The following GNG4 variants were observed in gnomAD, a reference collection of about 807,000 sequenced individuals.
The protein encoded by GNG4 is guanine nucleotide-binding protein G(I)/G(S)/G(O) subunit gamma-4.
Under a neutral mutation model 5.8 loss-of-function variants are expected in GNG4, and 4 were observed. That is an observed-to-expected ratio of 0.69 (90% CI 0.34 to 1.57). The LOEUF (loss-of-function observed/expected upper bound fraction) is 1.57. Ranked by LOEUF, GNG4 falls within the 40% of genes most tolerant of loss-of-function variation. The probability of loss-of-function intolerance (pLI) is 0.06; values close to 1 mark genes in which losing one functional copy is unlikely to be tolerated. For synonymous variants in GNG4, 29 were observed against 32.9 expected (o/e 0.88, Z 0.41); for missense variants, 96 against 95.1 (o/e 1.01, Z -0.04).
chr1:235,594,960 GC>G (rs1257989615), intron 2 of GNG4, among the ~76,000 whole-genome samples: 1 of 152,234 alleles, frequency 6.6e-6, no homozygotes, highest in East Asian at 1.9e-4. Flanking sequence ...CTATCCCTGA[GC>G]CTGAAGGGAC....
intron 2 of GNG4, among the ~76,000 whole-genome samples, chr1:235,586,163 C>T (rs1279000547): frequency 1.3e-5 from 2 of 152,192 alleles, no homozygotes; most frequent in East Asian, 3.8e-4. Context: ...AGATGTGTGT[C>T]CTTATCTTAG....
intron 1 of GNG4, among the ~76,000 whole-genome samples, chr1:235,597,821 T>C (rs2102958623): frequency 6.6e-6 from 1 of 152,124 alleles, no homozygotes; most frequent in South Asian, 2.1e-4. Context: ...AGAGACAGGG[T>C]TTCACCATGT....
At chr1:235,621,142 G>T (rs1279297507) in intron 1 of GNG4, among the ~76,000 whole-genome samples, 18 of 149,810 alleles carry the variant, frequency 1.2e-4, no homozygotes, top group Admixed American at 6.7e-5. Context: ...AAAAAAGGAG[G>T]CTCTGTTTGG....
At chr1:235,588,994 C>T (rs1185528722) in intron 2 of GNG4, 1 of 152,412 alleles carries the variant, frequency 6.6e-6, no homozygotes, top group Admixed American at 6.5e-5. Context: ...ATGGCAGACT[C>T]ACTTTCTTGC....
At chr1:235,585,221 C>T (rs1687730344) in intron 2 of GNG4, among the ~76,000 whole-genome samples, 1 of 151,524 alleles carries the variant, frequency 6.6e-6, no homozygotes, top group Admixed American at 6.6e-5. Context: ...CCTTTCCTTT[C>T]CTTTCCTTCC....
At chr1:235,589,879 TA>T (rs1363100113) in intron 2 of GNG4, among the ~76,000 whole-genome samples, 1 of 152,118 alleles carries the variant, frequency 6.6e-6, no homozygotes, top group Admixed American at 6.6e-5. Context: ...TGAAATGAGA[TA>T]ATGTACTCCT....
chr1:235,611,071 G>C (rs1475029601), intron 1 of GNG4, among the ~76,000 whole-genome samples: 1 of 152,148 alleles, frequency 6.6e-6, no homozygotes, highest in Non-Finnish European at 1.5e-5. Context: ...CTGGGCGGCA[G>C]AGCGAGACTT....
intron 1 of GNG4, among the ~76,000 whole-genome samples, chr1:235,629,767 T>G (rs1317755009): frequency 6.6e-6 from 1 of 152,090 alleles, no homozygotes; most frequent in Non-Finnish European, 1.5e-5. Flanking sequence ...AAGTTTTGTA[T>G]TTTTAGTAAA....
Position 235,642,770 on chromosome 1 carries a change from C to A in GNG4, c.-123+6892G>T, listed in dbSNP as rs1391632620. ...GGGCCTCCCTGCTGTCATCACACCT[C>A]GGATCACCCCAGGCAATCTCGCCCC... On this transcript the variant is annotated intron_variant, in intron 1 of 3. Transcript: ENST00000391854. This position sits in a 1 kb window ranked among gnomAD's most constrained non-coding sequence, Gnocchi z 4.3. Among the ~76,000 whole-genome samples, 2 of 152,162 alleles carry A rather than the reference C, an allele frequency of 1.3e-5. No homozygotes were observed. Among genetic ancestry groups the A allele is most frequent in the African/African-American group, 2.4e-5 (1 of 41,438 alleles).
chr1:235,598,954 T>A (rs1318858194), intron 1 of GNG4, among the ~76,000 whole-genome samples: 1 of 152,138 alleles, frequency 6.6e-6, no homozygotes, highest in African/African-American at 2.4e-5. Flanking sequence ...CTTGAACCCC[T>A]GACCTCAAGT....
chr1:235,650,578 C>A (rs1245018621), upstream of GNG4: 1 of 152,286 alleles, frequency 6.6e-6, no homozygotes, highest in Non-Finnish European at 1.5e-5. Flanking sequence ...CGCGTCGCCA[C>A]TAACCCGGCG....
At chr1:235,608,168 C>G (rs940961508) in intron 1 of GNG4, among the ~76,000 whole-genome samples, 6 of 152,074 alleles carry the variant, frequency 3.9e-5, no homozygotes, top group Non-Finnish European at 8.8e-5. Flanking sequence ...GAACTCCTGA[C>G]CTCATGATCC....
chr1:235,555,664 G>C (rs912338454), intron 3 of GNG4, among the ~76,000 whole-genome samples: 1 of 128,982 alleles, frequency 7.8e-6, no homozygotes, highest in Non-Finnish European at 1.6e-5. Context: ...GGGTGGCAGA[G>C]CAAGACCCTG....
At chr1:235,645,884 T>C (rs970724301) in intron 1 of GNG4, among the ~76,000 whole-genome samples, 1 of 151,908 alleles carries the variant, frequency 6.6e-6, no homozygotes, top group Non-Finnish European at 1.5e-5. Context: ...TGCCTCTCTT[T>C]CTTTGTTGGA....
chr1:235,598,368 G>A (rs1409249822), intron 1 of GNG4, among the ~76,000 whole-genome samples: 4 of 152,142 alleles, frequency 2.6e-5, no homozygotes, highest in Non-Finnish European at 5.9e-5. Flanking sequence ...CCAGTGCTTT[G>A]GGAATCTGCA....
intron 2 of GNG4, among the ~76,000 whole-genome samples, chr1:235,591,616 G>A (rs1251148865): frequency 6.6e-6 from 1 of 152,182 alleles, no homozygotes; most frequent in African/African-American, 2.4e-5. Context: ...ACATTCATGC[G>A]TCTGCACATC....
At chr1:235,586,319 G>A (rs1310367281) in intron 2 of GNG4, among the ~76,000 whole-genome samples, 1 of 152,150 alleles carries the variant, frequency 6.6e-6, no homozygotes, top group Non-Finnish European at 1.5e-5. Flanking sequence ...GGGTGTGTCT[G>A]TATGTGCCCA....
chr1:235,567,806 A>G (rs1687236587), intron 3 of GNG4, among the ~76,000 whole-genome samples: 1 of 152,190 alleles, frequency 6.6e-6, no homozygotes, highest in South Asian at 2.1e-4. Context: ...CCTACTTCCA[A>G]TTCTTTTGAG....
At chr1:235,577,735 G>A (rs201123893) in intron 3 of GNG4, among the ~76,000 whole-genome samples, 6 of 152,086 alleles carry the variant, frequency 3.9e-5, no homozygotes, top group South Asian at 2.1e-4. Flanking sequence ...CACTGCGCCC[G>A]GCCCATCTCA....
Sources: gnomAD v4.1 joint callset for allele counts (sites outside exome capture counted in the v4.1 genomes callset) on GRCh38, gnomAD v4.1.1 for gene constraint, Gnocchi (gnomAD v3.1) non-coding constraint, MANE v1.5 for transcripts, NCBI Gene and HGNC (gene_info 2026-07-23, HGNC 2026-07-21) for gene names.